The following ZMIZ1 variants were observed in gnomAD, a reference collection of about 807,000 sequenced individuals.
ZMIZ1 encodes zinc finger MIZ domain-containing protein 1.
ZMIZ1 carries 17 observed loss-of-function variants against 113.9 expected under a neutral mutation model. That is an observed-to-expected ratio of 0.15 (90% confidence interval 0.10 to 0.22). ZMIZ1 has a LOEUF of 0.22. ZMIZ1 is among the 10% of genes least tolerant of loss of function. ZMIZ1 has a pLI of 1.00. For synonymous variants in ZMIZ1, 607 were observed against 603.1 expected (o/e 1.01, Z -0.09); for missense variants, 1,059 against 1,477.8 (o/e 0.72, Z 4.65).
chr10:79,130,251 T>C (rs1375488635), intron 2 of ZMIZ1, among the ~76,000 whole-genome samples: 1 of 152,026 alleles, frequency 6.6e-6, no homozygotes, highest in Non-Finnish European at 1.5e-5. Context: ...GAGGCTGACA[T>C]TAAGGCCCTT....
At chr10:79,213,062 AC>A (rs769191191) in intron 6 of ZMIZ1, among the ~76,000 whole-genome samples, 8 of 151,550 alleles carry the variant, frequency 5.3e-5, no homozygotes, top group Non-Finnish European at 1.0e-4. Flanking sequence ...CCACCCCGCC[AC>A]CGTGGGTCAA....
chr10:79,286,068 G>A (rs1256614097), intron 8 of ZMIZ1, among the ~76,000 whole-genome samples: 1 of 152,230 alleles, frequency 6.6e-6, no homozygotes, highest in Non-Finnish European at 1.5e-5. Flanking sequence ...GCAGCTTATG[G>A]TGTGATACTG....
intron 4 of ZMIZ1, among the ~76,000 whole-genome samples, chr10:79,191,380 G>GA (rs1383785397): frequency 6.6e-6 from 1 of 151,774 alleles, no homozygotes; most frequent in Admixed American, 6.6e-5. Context: ...GGTCGGGGGG[G>GA]GTCCTGCCTC....
rs566956198 is a variant in ZMIZ1 at position 79,122,321 on chromosome 10, G to A, written c.-227+3297G>A. Among the ~76,000 whole-genome samples, 5 of 152,244 alleles carry A rather than the reference G, an allele frequency of 3.3e-5. No individual in the cohort carries two copies. The South Asian group carries it at 8.3e-4, about 25-fold the overall frequency. On this transcript the variant is annotated intron_variant, in intron 2 of 24. Transcript: ENST00000334512. Reference sequence around the variant, plus strand: ...GTCCAGGACAGAAGCTTTGGCCGGGGTGGAGTGGCAACTCTTTCCGTCACG... The same window carrying A: ...GTCCAGGACAGAAGCTTTGGCCGGGATGGAGTGGCAACTCTTTCCGTCACG...
intron 1 of ZMIZ1, among the ~76,000 whole-genome samples, chr10:79,107,427 G>C (rs1407096475): frequency 2.6e-5 from 4 of 152,210 alleles, no homozygotes; most frequent in African/African-American, 9.6e-5. Context: ...GTATTACTGG[G>C]TTAACAGTGT....
chr10:79,310,100 G>A (rs1312404607), intron 23 of ZMIZ1, among the ~76,000 whole-genome samples: 4 of 152,270 alleles, frequency 2.6e-5, no homozygotes, highest in East Asian at 1.9e-4. Context: ...CTGTTAGAGA[G>A]GCACCGCCAG....
At chr10:79,244,305 A>G (rs1468050868) in intron 7 of ZMIZ1, among the ~76,000 whole-genome samples, 6 of 152,230 alleles carry the variant, frequency 3.9e-5, no homozygotes. Context: ...GATTTGCACC[A>G]GAGGGCAGGA....
At chr10:79,196,650 C>G (rs1291687791) in intron 4 of ZMIZ1, among the ~76,000 whole-genome samples, 6 of 152,186 alleles carry the variant, frequency 3.9e-5, no homozygotes, top group Non-Finnish European at 8.8e-5. Flanking sequence ...GGACCTGGGC[C>G]CCCGCTATGA....
chr10:79,275,961 C>T (rs1852261635), intron 7 of ZMIZ1, among the ~76,000 whole-genome samples: 1 of 152,220 alleles, frequency 6.6e-6, no homozygotes, highest in African/African-American at 2.4e-5. Flanking sequence ...GTCGGCTTTG[C>T]ACCCAGCCAA....
intron 4 of ZMIZ1, among the ~76,000 whole-genome samples, chr10:79,170,635 G>A (rs1846556915): frequency 6.6e-6 from 1 of 152,236 alleles, no homozygotes; most frequent in Non-Finnish European, 1.5e-5. Context: ...AGTGGGTGGG[G>A]GCAGTCCTGC....
intron 7 of ZMIZ1, among the ~76,000 whole-genome samples, chr10:79,260,988 C>T (rs1261395074): frequency 6.6e-6 from 1 of 152,154 alleles, no homozygotes; most frequent in Non-Finnish European, 1.5e-5. Flanking sequence ...TGCAGCTGAC[C>T]TTCCCGAGGA....
intron 10 of ZMIZ1, 141 bp from the exon 11 acceptor site, chr10:79,292,017 G>C: frequency 5.8e-6 from 5 of 865,812 alleles, no homozygotes; most frequent in Non-Finnish European, 9.2e-6. Flanking sequence ...TGGCACAAAT[G>C]AATGGCTGCC....
At chr10:79,311,640 T>TG (rs1182945823) in intron 24 of ZMIZ1, among the ~76,000 whole-genome samples, 2 of 151,880 alleles carry the variant, frequency 1.3e-5, no homozygotes, top group Non-Finnish European at 2.9e-5. Flanking sequence ...TGCTTCTGCT[T>TG]GCTCCATCGC....
chr10:79,148,078 T>C (rs2132440482), intron 3 of ZMIZ1, among the ~76,000 whole-genome samples: 1 of 152,356 alleles, frequency 6.6e-6, no homozygotes, highest in South Asian at 2.1e-4. Context: ...GGGGCCATGC[T>C]TCTGAGAGCC....
intron 1 of ZMIZ1, among the ~76,000 whole-genome samples, chr10:79,114,490 T>TGC (rs1843914035): frequency 9.7e-6 from 1 of 103,102 alleles, no homozygotes; most frequent in Non-Finnish European, 2.2e-5. Context: ...TGTGTGTGTG[T>TGC]GTGCGTGTGT....
chr10:79,235,349 T>C (rs1167736730), intron 7 of ZMIZ1, among the ~76,000 whole-genome samples: 1 of 152,200 alleles, frequency 6.6e-6, no homozygotes, highest in African/African-American at 2.4e-5. Flanking sequence ...AAACTTTTCA[T>C]GGGCTTGGGA....
intron 6 of ZMIZ1, among the ~76,000 whole-genome samples, chr10:79,209,663 C>A (rs1237432034): frequency 6.6e-6 from 1 of 152,260 alleles, no homozygotes; most frequent in East Asian, 1.9e-4. Flanking sequence ...ATAGCGGCAA[C>A]ACGGCTATCG....
chr10:79,070,091 G>C (rs1323115180), intron 1 of ZMIZ1, among the ~76,000 whole-genome samples: 2 of 151,914 alleles, frequency 1.3e-5, no homozygotes, highest in Non-Finnish European at 2.9e-5. Context: ...GTGGCCCCGG[G>C]GGAGTGGGAG....
intron 20 of ZMIZ1, 34 bp downstream of exon 20, chr10:79,305,265 C>A: frequency 6.2e-7 from 1 of 1,611,054 alleles, no homozygotes; most frequent in Non-Finnish European, 8.5e-7. Context: ...GGGCTTCCCC[C>A]ATCCCCCAAC....
Sources: allele counts gnomAD v4.1 joint callset (sites outside exome capture counted in the v4.1 genomes callset), GRCh38; gene constraint gnomAD v4.1.1; transcripts MANE v1.5; gene names NCBI Gene and HGNC (gene_info 2026-07-23, HGNC 2026-07-21).